ZBTB34: variants seen among roughly 807,000 people sequenced by gnomAD.
ZBTB34 encodes the protein zinc finger and BTB domain-containing protein 34.
Under a neutral mutation model 33.4 loss-of-function variants are expected in ZBTB34, and 1 was observed. That is an observed-to-expected ratio of 0.03 (90% CI 0.01 to 0.14). ZBTB34 has a LOEUF of 0.14. Among genes scored for constraint, ZBTB34 ranks in the 10% least tolerant of loss-of-function variants. ZBTB34 has a pLI of 1.00. For missense variants in ZBTB34, 406 were observed against 657.2 expected (o/e 0.62, Z 4.18); for synonymous variants, 283 against 253.5 (o/e 1.12, Z -1.11).
chr9:126,868,162 C>A (rs746614828), intron 1 of ZBTB34, among the ~76,000 whole-genome samples: 1 of 151,992 alleles, frequency 6.6e-6, no homozygotes, highest in African/African-American at 2.4e-5. Context: ...GGGTAAAATG[C>A]GTTAACCTGG....
intron 1 of ZBTB34, among the ~76,000 whole-genome samples, chr9:126,875,522 G>T (rs1351973702): frequency 6.6e-6 from 1 of 152,042 alleles, no homozygotes. Flanking sequence ...ATATTAAAAT[G>T]AGTTGTATTT....
At chr9:126,882,539 T>C (rs947353887) in exon 2 of ZBTB34, 7 of 167,088 alleles carry the variant, frequency 4.2e-5, no homozygotes, top group Admixed American at 3.3e-4. Flanking sequence ...AGAGAGTAAT[T>C]TTGTAGGCAG....
intron 1 of ZBTB34, among the ~76,000 whole-genome samples, chr9:126,874,952 C>T (rs1218032820): frequency 6.6e-6 from 1 of 152,212 alleles, no homozygotes; most frequent in Non-Finnish European, 1.5e-5. Context: ...TAGTGCCTGA[C>T]ACTTAATACA....
exon 2 of ZBTB34, chr9:126,881,214 C>G (rs2033436499): frequency 2.9e-6 from 1 of 339,314 alleles, no homozygotes. Flanking sequence ...CTGGTTGACC[C>G]TCCATTCTCT....
In ZBTB34 at chr9:126,880,509, C is replaced by T; in HGVS notation, c.1110C>T (p.Tyr370=). 3 of 1,613,820 alleles carry T rather than the reference C, an allele frequency of 1.9e-6. No individual in the cohort carries two copies. Among genetic ancestry groups the T allele is most frequent in the Non-Finnish European group, 2.5e-6 (3 of 1,179,882 alleles). Residue 370 remains tyrosine (Y), a synonymous_variant, in exon 2 of 2, where the codon TAC becomes TAT. Coordinates refer to ENST00000319119, the Ensembl canonical transcript of ZBTB34. The surrounding 1 kb of genome is among the most constrained non-coding windows in gnomAD (Gnocchi z 6.7). ...AGAGGAGTGCGAGAGGGCATTGGTA[C>T]CCGTACAATGAGAGGTTGATCTGTA...
rs1156771178 is a variant in ZBTB34 at position 126,879,861 on chromosome 9, A to C, written c.462A>C (p.Gly154=). 2.5e-6 allele frequency: 4 copies of C among 1,613,028 alleles called. No individual in the cohort carries two copies. The highest frequency in any genetic ancestry group is 3.4e-6 in the Non-Finnish European group (4 of 1,179,860). ...AAGAGAATCCCGAGAGTCGAAACGG[A>C]GTGAAAGACAGCAGCTTCTTTGCCA... Residue 154 remains glycine (G), a synonymous_variant, in exon 2 of 2, where the codon GGA becomes GGC. Coordinates refer to ENST00000319119, the Ensembl canonical transcript of ZBTB34. The surrounding 1 kb of genome is among the most constrained non-coding windows in gnomAD (Gnocchi z 6.4).
At chr9:126,881,717 G>A in exon 2 of ZBTB34, 1 of 167,164 alleles carries the variant, frequency 6.0e-6, no homozygotes. Flanking sequence ...AGGTAAGCTG[G>A]ATGACCTGTG....
chr9:126,870,053 TAGC>T (rs1362733662), intron 1 of ZBTB34, among the ~76,000 whole-genome samples: 1 of 152,224 alleles, frequency 6.6e-6, no homozygotes, highest in African/African-American at 2.4e-5. Context: ...ATTAAAATAA[TAGC>T]AGTGTAAATG....
intron 1 of ZBTB34, among the ~76,000 whole-genome samples, chr9:126,865,663 T>C (rs550653631): frequency 1.3e-5 from 2 of 152,256 alleles, no homozygotes; most frequent in African/African-American, 4.8e-5. Context: ...CTTAACAGAA[T>C]ACGTGGTGCA....
At chr9:126,881,062 G>T in exon 2 of ZBTB34, 1 of 912,394 alleles carries the variant, frequency 1.1e-6, no homozygotes. Flanking sequence ...ACACTTCGTT[G>T]TGTTTATCCT....
At chr9:126,863,626 A>C in intron 1 of ZBTB34, 1 of 903,664 alleles carries the variant, frequency 1.1e-6, no homozygotes, top group Non-Finnish European at 1.3e-6. Flanking sequence ...AGTGAAGGTC[A>C]TCAACTGAAC....
chr9:126,867,676 T>C (rs555954300), intron 1 of ZBTB34, among the ~76,000 whole-genome samples: 2 of 152,172 alleles, frequency 1.3e-5, no homozygotes, highest in Admixed American at 1.3e-4. Flanking sequence ...TGTCTTTGCC[T>C]TTGTGGCGTC....
chr9:126,863,000 T>G (rs1171796620), intron 1 of ZBTB34, among the ~76,000 whole-genome samples: 1 of 152,148 alleles, frequency 6.6e-6, no homozygotes, highest in Non-Finnish European at 1.5e-5. Context: ...TCAAGGTGGA[T>G]GTTTTCAGCT....
chr9:126,872,266 T>TA (rs2033290655), intron 1 of ZBTB34, among the ~76,000 whole-genome samples: 1 of 152,160 alleles, frequency 6.6e-6, no homozygotes, highest in Non-Finnish European at 1.5e-5. Context: ...AAAACTTTTT[T>TA]AAAAGCTGGG....
Position 126,866,190 on chromosome 9 carries a change from C to T in ZBTB34, c.-11+5451C>T, listed in dbSNP as rs145949181. The stretch of plus-strand genomic sequence containing the variant: ...GATCCTCAGTCAGTACACAGTCACT[C>T]CCAAATCAGTATCTTCGGGTCTAAT... On this transcript the variant is annotated intron_variant, in intron 1 of 1. Coordinates refer to ENST00000319119, the Ensembl canonical transcript of ZBTB34. Among the ~76,000 whole-genome samples the T allele has an allele frequency of 5.3e-5, 8 of 152,204 alleles. No individual in the cohort carries two copies. The East Asian group carries it at 1.5e-3, about 29-fold the overall frequency.
Position 126,880,822 on chromosome 9 carries a change from G to A in ZBTB34, c.1423G>A (p.Val475Met), listed in dbSNP as rs772560493. 8.7e-6 allele frequency: 14 copies of A among 1,613,580 alleles called. No homozygotes were observed. Among genetic ancestry groups the A allele is most frequent in the East Asian group, 4.5e-5 (2 of 44,894 alleles). ...GTCCCCCGAGAGAACAGATGTGTACGTGGAACAGAAACTAGAAAATGACGC... is the reference window on the plus strand; with the variant it reads ...GTCCCCCGAGAGAACAGATGTGTACATGGAACAGAAACTAGAAAATGACGC... The change falls in exon 2 of 2, where the codon GTG becomes ATG. Residue 475 changes from valine (V) to methionine (M), a missense_variant. Val to Met is a conservative substitution (Grantham distance 21, BLOSUM62 1). Coordinates refer to ENST00000319119, the Ensembl canonical transcript of ZBTB34. This position sits in a 1 kb window ranked among gnomAD's most constrained non-coding sequence, Gnocchi z 6.7.
At chr9:126,864,552 A>G (rs1023633475) in intron 1 of ZBTB34, among the ~76,000 whole-genome samples, 20 of 152,228 alleles carry the variant, frequency 1.3e-4, no homozygotes, top group African/African-American at 4.8e-4. Context: ...ATGTTCTTTC[A>G]GGCTCACATG....
rs943727446 is a variant in ZBTB34 at position 126,877,892 on chromosome 9, T to C, written c.-10-1498T>C. On this transcript the variant is annotated intron_variant, in intron 1 of 1. Transcript: ENST00000319119. Reference sequence around the variant, plus strand: ...TGGTGGTGCACGCCTGTAGTCCAGCTACTCAGGAGGCTGAGGCAGGAGGAT... The same window carrying C: ...TGGTGGTGCACGCCTGTAGTCCAGCCACTCAGGAGGCTGAGGCAGGAGGAT... 6.6e-5 allele frequency among the ~76,000 whole-genome samples: 10 copies of C among 151,904 alleles called. 1 individual carries two copies. Among genetic ancestry groups the C allele is most frequent in the Non-Finnish European group, 7.4e-5 (5 of 67,996 alleles).
exon 2 of ZBTB34, chr9:126,881,906 A>G (rs1170463016): frequency 1.8e-5 from 3 of 167,046 alleles, no homozygotes; most frequent in East Asian, 1.9e-4. Flanking sequence ...ACTTAAGGAA[A>G]GGGATTTGTA....
Sources: allele counts gnomAD v4.1 joint callset (sites outside exome capture counted in the v4.1 genomes callset), GRCh38; gene constraint gnomAD v4.1.1; non-coding constraint Gnocchi (gnomAD v3.1); transcripts MANE v1.5; gene names NCBI Gene and HGNC (gene_info 2026-07-23, HGNC 2026-07-21).